Variants in OSMR observed in about 807,000 individuals in gnomAD.
OSMR encodes the protein oncostatin M receptor.
Under a neutral mutation model 99.9 loss-of-function variants are expected in OSMR, and 81 were observed. The ratio of observed to expected loss-of-function variants is 0.81; its 90% CI spans 0.68 to 0.97. The LOEUF is 0.97. OSMR is among the 50% of genes least tolerant of loss of function. The probability of loss-of-function intolerance (pLI) is 0.00; values close to 1 mark genes in which losing one functional copy is unlikely to be tolerated. For synonymous variants in OSMR, 406 were observed against 410.4 expected (o/e 0.99, Z 0.13); for missense variants, 1,099 against 1,153.4 (o/e 0.95, Z 0.68).
intron 1 of OSMR, chr5:38,941,784 T>G: frequency 4.3e-6 from 1 of 232,928 alleles, no homozygotes; most frequent in Non-Finnish European, 8.5e-6. Context: ...AAGAAAAACG[T>G]GAAAGGGCCA....
chr5:38,938,562 A>T (rs10941413), downstream of OSMR: 3 of 232,756 alleles, frequency 1.3e-5, no homozygotes, highest in African/African-American at 2.2e-5. Context: ...TGGTGCAGCT[A>T]TCCGATACTT....
intron 7 of OSMR, among the ~76,000 whole-genome samples, chr5:38,889,809 T>C (rs1744034690): frequency 6.6e-6 from 1 of 152,214 alleles, no homozygotes; most frequent in South Asian, 2.1e-4. Context: ...TTGTTGAATT[T>C]CCACTGTAAT....
chr5:38,867,163 A>G (rs1480766124), intron 1 of OSMR, among the ~76,000 whole-genome samples: 1 of 152,208 alleles, frequency 6.6e-6, no homozygotes, highest in African/African-American at 2.4e-5. Flanking sequence ...TTGGAGAAGT[A>G]TGAATGACTT....
chr5:38,905,872 A>G (rs982061764), intron 9 of OSMR, among the ~76,000 whole-genome samples: 1 of 152,040 alleles, frequency 6.6e-6, no homozygotes, highest in African/African-American at 2.4e-5. Flanking sequence ...AGCTGGCAGA[A>G]CTCTTTCTGT....
At chr5:38,941,416 T>C (rs1747560337) in intron 1 of OSMR, 1 of 231,958 alleles carries the variant, frequency 4.3e-6, no homozygotes, top group Non-Finnish European at 8.5e-6. Context: ...CAAAGTATTA[T>C]TTAATGCTTT....
At chr5:38,916,969 C>T (rs1745935066) in intron 9 of OSMR, among the ~76,000 whole-genome samples, 1 of 151,958 alleles carries the variant, frequency 6.6e-6, no homozygotes, top group South Asian at 2.1e-4. Context: ...AGAAGAAATG[C>T]TGGGTGCTGC....
chr5:38,943,738 G>A (rs760180702), intron 1 of OSMR, among the ~76,000 whole-genome samples: 21 of 152,080 alleles, frequency 1.4e-4, no homozygotes, highest in Non-Finnish European at 2.5e-4. Flanking sequence ...GCTTGAACCC[G>A]GGAGGCAGAG....
downstream of OSMR, among the ~76,000 whole-genome samples, chr5:38,935,971 G>T (rs74703237): frequency 6.6e-6 from 1 of 152,062 alleles, no homozygotes; most frequent in African/African-American, 2.4e-5. Context: ...TAAACATTTC[G>T]TCTCCAATGG....
intron 1 of OSMR, among the ~76,000 whole-genome samples, chr5:38,864,560 G>A (rs1335326380): frequency 3.1e-5 from 4 of 129,156 alleles, no homozygotes; most frequent in African/African-American, 5.6e-5. Context: ...TTTTCTTTTA[G>A]TACTTAGAAT....
At chr5:38,927,241 A>G (rs2112679218) in intron 15 of OSMR, among the ~76,000 whole-genome samples, 1 of 152,300 alleles carries the variant, frequency 6.6e-6, no homozygotes, top group Non-Finnish European at 1.5e-5. Flanking sequence ...TCTGGGGTCT[A>G]GAGGATGGTG....
intron 7 of OSMR, among the ~76,000 whole-genome samples, chr5:38,901,859 C>G (rs941268099): frequency 2.6e-5 from 4 of 152,234 alleles, no homozygotes; most frequent in East Asian, 1.9e-4. Flanking sequence ...CTAAGGAGAG[C>G]AAAAGGACAC....
intron 2 of OSMR, among the ~76,000 whole-genome samples, chr5:38,870,003 C>CT (rs559805848): frequency 1.9e-4 from 29 of 151,860 alleles, no homozygotes; most frequent in Admixed American, 2.0e-4. Context: ...AATTTCTCAT[C>CT]TTTCTTGAAA....
intron 1 of OSMR, among the ~76,000 whole-genome samples, chr5:38,860,593 G>C (rs1741212465): frequency 6.6e-6 from 1 of 152,152 alleles, no homozygotes; most frequent in Non-Finnish European, 1.5e-5. Flanking sequence ...GAATTAGTTA[G>C]AGAGAATTTC....
chr5:38,945,360 G>C, downstream of OSMR: 1 of 647,212 alleles, frequency 1.5e-6, no homozygotes, highest in Admixed American at 2.9e-5. Flanking sequence ...AACATAATTT[G>C]GCATATCAGT....
intron 12 of OSMR, among the ~76,000 whole-genome samples, chr5:38,922,798 C>T (rs1746297291): frequency 6.6e-6 from 1 of 152,098 alleles, no homozygotes; most frequent in African/African-American, 2.4e-5. Flanking sequence ...TGGTGGGGAA[C>T]AGACTGTTGC....
At chr5:38,895,147 G>C (rs916631629) in intron 7 of OSMR, among the ~76,000 whole-genome samples, 2 of 152,002 alleles carry the variant, frequency 1.3e-5, no homozygotes, top group African/African-American at 4.8e-5. Context: ...CAAGAAGTTA[G>C]AAAGATCTCA....
In OSMR at chr5:38,925,442, C is replaced by G. The variant is rs140128625; in HGVS notation, c.2212+71C>G. 9.6e-6 allele frequency: 13 copies of G among 1,360,796 alleles called. No individual in the cohort carries two copies. In the East Asian group the frequency reaches 2.7e-4, roughly 29 times the overall value. The allele number at this position is 1,360,796 out of a possible 1,614,324, so 84.3% of individuals were successfully genotyped here. A position where few individuals can be genotyped will look rare whatever the true frequency, so the allele number is the denominator to read the frequency against. On this transcript the variant is annotated intron_variant, in intron 15 of 17. Transcript: ENST00000274276. ...AACTAACAAATTACAGAAGTGTTGA[C>G]TTAGGCTTTGTCTAGATCAGGAATT...
intron 1 of OSMR, among the ~76,000 whole-genome samples, chr5:38,943,858 C>G (rs1314257083): frequency 6.6e-6 from 1 of 151,840 alleles, no homozygotes; most frequent in Non-Finnish European, 1.5e-5. Flanking sequence ...TGCAGGAGAC[C>G]CTGAGGTGCA....
intron 15 of OSMR, among the ~76,000 whole-genome samples, chr5:38,926,382 G>C (rs1266691563): frequency 6.6e-6 from 1 of 152,144 alleles, no homozygotes; most frequent in East Asian, 1.9e-4. Context: ...TGCCTGAGAG[G>C]GGGTAATTTA....
Sources: gnomAD v4.1 joint callset for allele counts (sites outside exome capture counted in the v4.1 genomes callset) on GRCh38, gnomAD v4.1.1 for gene constraint, MANE v1.5 for transcripts, NCBI Gene and HGNC (gene_info 2026-07-23, HGNC 2026-07-21) for gene names.